RAB6B: variants seen among roughly 807,000 people sequenced by gnomAD.
The protein encoded by RAB6B is RAB6B, member RAS oncogene family.
A neutral mutation model predicts 31.2 loss-of-function variants in RAB6B; 7 were observed. That is an observed-to-expected ratio of 0.22 (90% CI 0.13 to 0.42). The LOEUF is 0.42. Ranked by LOEUF, RAB6B falls within the 10% of genes least tolerant of loss-of-function variation. The pLI is 1.00. For synonymous variants in RAB6B, 105 were observed against 104.9 expected (o/e 1.00, Z -0.01); for missense variants, 149 against 280.6 (o/e 0.53, Z 3.35).
intron 1 of RAB6B, among the ~76,000 whole-genome samples, chr3:133,868,386 G>A (rs537223656): frequency 2.8e-4 from 43 of 152,310 alleles, no homozygotes; most frequent in African/African-American, 9.9e-4. Context: ...ATCCCAGCAG[G>A]CCTGCAGCCT....
At chr3:133,832,689 G>A (rs1329983409) in intron 7 of RAB6B, among the ~76,000 whole-genome samples, 2 of 152,200 alleles carry the variant, frequency 1.3e-5, no homozygotes, top group Non-Finnish European at 2.9e-5. Context: ...CACCTGCCTC[G>A]TGAGAGGCCC....
chr3:133,895,330 T>C, intron 1 of RAB6B, 67 bp downstream of exon 1: 1 of 1,521,252 alleles, frequency 6.6e-7, no homozygotes, highest in South Asian at 1.1e-5. Flanking sequence ...GGGGTCCCAA[T>C]GGGGTGGGCG....
chr3:133,852,735 T>C (rs1169058309), intron 2 of RAB6B, among the ~76,000 whole-genome samples: 1 of 152,162 alleles, frequency 6.6e-6, no homozygotes, highest in Non-Finnish European at 1.5e-5. Context: ...CGCTTCAGCC[T>C]CCCAAAGAGC....
At chr3:133,833,223 G>A (rs375193504) in intron 7 of RAB6B, among the ~76,000 whole-genome samples, 9 of 152,344 alleles carry the variant, frequency 5.9e-5, no homozygotes, top group African/African-American at 1.9e-4. Flanking sequence ...TCTCTCCTGA[G>A]CTCTGGAGCC....
chr3:133,895,364 G>T (rs781677464), intron 1 of RAB6B, 33 bp downstream of exon 1: 1 of 1,603,424 alleles, frequency 6.2e-7, no homozygotes, highest in East Asian at 2.3e-5. Context: ...GGTCGACTCG[G>T]CGACAAGCCA....
chr3:133,861,067 T>C (rs564128028), intron 2 of RAB6B, among the ~76,000 whole-genome samples: 106 of 152,292 alleles, frequency 7.0e-4, no homozygotes, highest in African/African-American at 2.2e-3. Flanking sequence ...AACCCTTCCA[T>C]GGTGGCATGA....
chr3:133,868,543 A>C (rs1936273979), intron 1 of RAB6B, among the ~76,000 whole-genome samples: 1 of 152,366 alleles, frequency 6.6e-6, no homozygotes, highest in East Asian at 1.9e-4. Flanking sequence ...CCACTGCAGC[A>C]AAGAGGAGCT....
rs963360801 is a variant in RAB6B at position 133,879,570 on chromosome 3, C to T, written c.71-14928G>A. ...TACACATACACACACATGCTCAACT[C>T]AGCAGGCATCACAGGCCCTGGTATG... On this transcript the variant is annotated intron_variant, in intron 1 of 7. Coordinates refer to ENST00000285208, the MANE Select transcript of RAB6B (RefSeq NM_016577.4). Among the ~76,000 whole-genome samples, 5 of 152,218 alleles carry T rather than the reference C, an allele frequency of 3.3e-5. No homozygotes were observed. In the East Asian group the frequency reaches 9.6e-4, roughly 29 times the overall value.
At chr3:133,890,985 G>A (rs564189860) in intron 1 of RAB6B, among the ~76,000 whole-genome samples, 10 of 152,350 alleles carry the variant, frequency 6.6e-5, no homozygotes, top group African/African-American at 1.9e-4. Flanking sequence ...AGGGGAGCAG[G>A]AGTGGAAGTG....
intron 2 of RAB6B, among the ~76,000 whole-genome samples, chr3:133,855,739 G>A (rs1936066083): frequency 6.6e-6 from 1 of 152,192 alleles, no homozygotes. Flanking sequence ...ACTAAAGCCT[G>A]GAGCAGAGAA....
intron 7 of RAB6B, among the ~76,000 whole-genome samples, chr3:133,832,502 T>G (rs1015573993): frequency 3.9e-5 from 6 of 152,194 alleles, no homozygotes; most frequent in Non-Finnish European, 8.8e-5. Flanking sequence ...AAGCAGTGCT[T>G]CTGTGTGGCT....
At chr3:133,878,111 G>C (rs146437240) in intron 1 of RAB6B, among the ~76,000 whole-genome samples, 90 of 152,204 alleles carry the variant, frequency 5.9e-4, no homozygotes, top group Admixed American at 3.2e-3. Context: ...GATGAAGGGA[G>C]AGGCAGTGAC....
At chr3:133,836,389 G>A (rs2107988461) in intron 6 of RAB6B, among the ~76,000 whole-genome samples, 1 of 111,926 alleles carries the variant, frequency 8.9e-6, no homozygotes, top group Non-Finnish European at 2.1e-5. Context: ...GGATTTTGAA[G>A]GGTGCTCTAG....
At chr3:133,832,671 C>T (rs562504258) in intron 7 of RAB6B, among the ~76,000 whole-genome samples, 48 of 152,296 alleles carry the variant, frequency 3.2e-4, no homozygotes, top group Non-Finnish European at 4.4e-4. Context: ...CTCTGGTGGC[C>T]GCTCTAGCAC....
rs1360571424 is a variant in RAB6B, at chr3:133,859,818, G to C, written c.129+4766C>G. On this transcript the variant is annotated intron_variant, in intron 2 of 7. Transcript: ENST00000285208. ...AGGGGCAGGTGCTGATTTATGGGCT[G>C]AGCAGCCAGATAAGTGGCCTGCAGA... Among the ~76,000 whole-genome samples, 3 of 152,320 alleles carry C rather than the reference G, an allele frequency of 2.0e-5. No individual in the cohort carries two copies. In the South Asian group the frequency reaches 6.2e-4, roughly 32 times the overall value.
At chr3:133,888,963 CA>C (rs1416855634) in intron 1 of RAB6B, among the ~76,000 whole-genome samples, 1 of 152,150 alleles carries the variant, frequency 6.6e-6, no homozygotes, top group Admixed American at 6.5e-5. Flanking sequence ...TTCTCCCTGG[CA>C]ACCTCCACCA....
intron 1 of RAB6B, among the ~76,000 whole-genome samples, chr3:133,885,244 G>A (rs1372946168): frequency 6.6e-6 from 1 of 151,152 alleles, no homozygotes; most frequent in Non-Finnish European, 1.5e-5. Flanking sequence ...TTAGAGGACG[G>A]GAACTCACAC....
At chr3:133,830,232 T>A (rs1935636643) in intron 7 of RAB6B, among the ~76,000 whole-genome samples, 1 of 152,234 alleles carries the variant, frequency 6.6e-6, no homozygotes, top group Non-Finnish European at 1.5e-5. Flanking sequence ...TGAGGTCTCC[T>A]GGTCTTCTCT....
chr3:133,846,362 G>A (rs113387570), intron 2 of RAB6B, among the ~76,000 whole-genome samples: 17,540 of 152,210 alleles, frequency 0.12, 1,081 homozygotes, highest in Non-Finnish European at 0.15. Context: ...CAGGAGACTC[G>A]CTTGAATCTG....
Sources: allele counts gnomAD v4.1 joint callset (sites outside exome capture counted in the v4.1 genomes callset), GRCh38; gene constraint gnomAD v4.1.1; transcripts MANE v1.5; gene names NCBI Gene and HGNC (gene_info 2026-07-23, HGNC 2026-07-21).